PRKN: variants seen among roughly 807,000 people sequenced by gnomAD.
PRKN encodes the protein E3 ubiquitin-protein ligase parkin.
A neutral mutation model predicts 59.5 loss-of-function variants in PRKN; 56 were observed. That is an observed-to-expected ratio of 0.94 (90% CI 0.76 to 1.18). PRKN has a LOEUF of 1.18. Among genes scored for constraint, PRKN ranks in the 50% most tolerant of loss-of-function variants. PRKN has a pLI of 0.00. For missense variants in PRKN, 657 were observed against 596.4 expected (o/e 1.10, Z -1.06); for synonymous variants, 250 against 222.1 (o/e 1.13, Z -1.12).
intron 6 of PRKN, among the ~76,000 whole-genome samples, chr6:161,912,913 A>G (rs1293595219): frequency 2.0e-5 from 3 of 152,192 alleles, no homozygotes; most frequent in Non-Finnish European, 4.4e-5. Context: ...GCGGTGGCTC[A>G]TGCCTATAAT....
In PRKN at chr6:161,410,251, A is replaced by G. The variant is rs951119561; in HGVS notation, c.1084-23374T>C. On this transcript the variant is annotated intron_variant, in intron 9 of 11. Coordinates refer to ENST00000366898, the MANE Select transcript of PRKN (RefSeq NM_004562.3). The surrounding 1 kb of genome is among the most constrained non-coding windows in gnomAD (Gnocchi z 5.3). ...AGAGTACGAGCATGTCTCAGCTGGT[A>G]GCCCTTGTCCCAGAGCTGGTGGCCT... 2.6e-5 allele frequency among the ~76,000 whole-genome samples: 4 copies of G among 152,122 alleles called. No homozygotes were observed. The highest frequency in any genetic ancestry group is 4.8e-5 in the African/African-American group (2 of 41,406).
chr6:161,812,980 TG>T (rs1791622558), intron 6 of PRKN, among the ~76,000 whole-genome samples: 1 of 152,142 alleles, frequency 6.6e-6, no homozygotes, highest in African/African-American at 2.4e-5. Flanking sequence ...TCAAAAGTGA[TG>T]AAAGAATTAG....
chr6:162,216,423 C>CG (rs1777656525), intron 3 of PRKN, among the ~76,000 whole-genome samples: 1 of 148,484 alleles, frequency 6.7e-6, no homozygotes, highest in Admixed American at 6.8e-5. Flanking sequence ...CCAGCTACTC[C>CG]GGAGGCTGAG....
chr6:162,071,532 G>T (rs1408820591), intron 4 of PRKN, among the ~76,000 whole-genome samples: 2 of 151,626 alleles, frequency 1.3e-5, no homozygotes. Flanking sequence ...TTTCCATCAG[G>T]TCATGGGCAT....
intron 2 of PRKN, among the ~76,000 whole-genome samples, chr6:162,431,055 T>A (rs1789496806): frequency 1.3e-5 from 2 of 152,170 alleles, no homozygotes; most frequent in Admixed American, 1.3e-4. Context: ...TGTTATTATG[T>A]TGGTCCCTTA....
intron 7 of PRKN, among the ~76,000 whole-genome samples, chr6:161,615,111 C>A (rs1281436015): frequency 2.0e-5 from 3 of 152,112 alleles, no homozygotes; most frequent in African/African-American, 4.8e-5. Context: ...TTTTCCATTA[C>A]TTTTAATAGC....
chr6:161,767,386 G>T (rs1032476652), intron 7 of PRKN, among the ~76,000 whole-genome samples: 2 of 152,132 alleles, frequency 1.3e-5, no homozygotes, highest in Non-Finnish European at 2.9e-5. Flanking sequence ...GTGTGGTGGC[G>T]GGCGCCTGTA....
chr6:161,455,920 C>A (rs1283999239), intron 9 of PRKN, among the ~76,000 whole-genome samples: 1 of 150,848 alleles, frequency 6.6e-6, no homozygotes, highest in Non-Finnish European at 1.5e-5. Context: ...CATACTTTAA[C>A]TCATATCAAC....
At chr6:161,806,712 A>G (rs1277003413) in intron 6 of PRKN, among the ~76,000 whole-genome samples, 1 of 152,194 alleles carries the variant, frequency 6.6e-6, no homozygotes, top group East Asian at 1.9e-4. Flanking sequence ...TGTTGCCTAA[A>G]TGTCAATTTA....
At chr6:161,506,241 C>T (rs1251231698) in intron 9 of PRKN, among the ~76,000 whole-genome samples, 1 of 152,106 alleles carries the variant, frequency 6.6e-6, no homozygotes, top group Non-Finnish European at 1.5e-5. Flanking sequence ...AGGTCCTTCA[C>T]ATCCCTTGTA....
rs1208376370 is a variant in PRKN at position 161,473,033 on chromosome 6, A to G, written c.1083+75821T>C. Among the ~76,000 whole-genome samples the G allele has an allele frequency of 6.6e-6, 1 of 152,300 alleles. No individual in the cohort carries two copies. The highest frequency in any genetic ancestry group is 1.9e-4 in the East Asian group (1 of 5,182). ...GGGTTGGAGAAAAGGGAACCCTGAC[A>G]TGCTGTTGGTGGGAATGTAAATTGT... On this transcript the variant is annotated intron_variant, in intron 9 of 11. Coordinates refer to ENST00000366898, the MANE Select transcript of PRKN (RefSeq NM_004562.3). The surrounding 1 kb of genome is among the most constrained non-coding windows in gnomAD (Gnocchi z 4.1).
intron 9 of PRKN, among the ~76,000 whole-genome samples, chr6:161,474,894 G>A (rs192118806): frequency 1.3e-3 from 199 of 149,948 alleles, no homozygotes; most frequent in Non-Finnish European, 2.0e-3. Context: ...GAGCCACCAC[G>A]CCCGGCCCAC....
At chr6:162,580,234 T>C (rs558068075) in intron 1 of PRKN, among the ~76,000 whole-genome samples, 34 of 152,158 alleles carry the variant, frequency 2.2e-4, no homozygotes, top group Admixed American at 7.9e-4. Context: ...CCCAGGAGTT[T>C]GAGACCAGCC....
chr6:162,154,981 C>A lies in PRKN; in HGVS notation c.534+46150G>T, dbSNP rs1406171857. Reference sequence around the variant, plus strand: ...ATTTCAGGTGATGCAAAAAAAAAAACAAAAAAATTCAAAAAAAGCACAAAA... The same window carrying A: ...ATTTCAGGTGATGCAAAAAAAAAAAAAAAAAAATTCAAAAAAAGCACAAAA... On this transcript the variant is annotated intron_variant, in intron 4 of 11. Transcript: ENST00000366898. 5.0e-3 allele frequency among the ~76,000 whole-genome samples: 701 copies of A among 140,548 alleles called. 13 individuals carry two copies. Among genetic ancestry groups the A allele is most frequent in the Admixed American group, 0.043 (619 of 14,252 alleles). 92.2% of individuals were successfully genotyped at this position (140,548 alleles called of 152,430 possible).
chr6:161,387,576 A>G (rs928600005), intron 9 of PRKN, among the ~76,000 whole-genome samples: 2 of 152,268 alleles, frequency 1.3e-5, no homozygotes, highest in African/African-American at 4.8e-5. Context: ...TGGTATTAGA[A>G]TGTAAGGAAA....
intron 2 of PRKN, among the ~76,000 whole-genome samples, chr6:162,415,986 C>T (rs767486526): frequency 1.1e-4 from 16 of 152,186 alleles, no homozygotes; most frequent in Non-Finnish European, 1.9e-4. Context: ...GTTTAGTGCA[C>T]TGAATTTTAA....
intron 1 of PRKN, among the ~76,000 whole-genome samples, chr6:162,668,290 G>A (rs2128229664): frequency 6.6e-6 from 1 of 152,144 alleles, no homozygotes; most frequent in East Asian, 1.9e-4. Flanking sequence ...AAGATAAGCA[G>A]AGAGATTTAC....
intron 7 of PRKN, among the ~76,000 whole-genome samples, chr6:161,746,569 A>ATT (rs911857686): frequency 1.4e-5 from 2 of 141,484 alleles, no homozygotes; most frequent in African/African-American, 2.6e-5. Flanking sequence ...ATATATATAT[A>ATT]TTTATATATA....
chr6:162,170,816 G>C (rs1326744863), intron 4 of PRKN, among the ~76,000 whole-genome samples: 1 of 152,148 alleles, frequency 6.6e-6, no homozygotes, highest in Admixed American at 6.6e-5. Context: ...GGGCTGCACA[G>C]GGTGGTTTAA....
Sources: gnomAD v4.1 joint callset for allele counts (sites outside exome capture counted in the v4.1 genomes callset) on GRCh38, gnomAD v4.1.1 for gene constraint, Gnocchi (gnomAD v3.1) non-coding constraint, MANE v1.5 for transcripts, NCBI Gene and HGNC (gene_info 2026-07-23, HGNC 2026-07-21) for gene names.